ME3: variants seen among roughly 807,000 people sequenced by gnomAD.
The protein encoded by ME3 is NADP-dependent malic enzyme, mitochondrial.
A neutral mutation model predicts 68.9 loss-of-function variants in ME3; 48 were observed. The observed-to-expected ratio is 0.70, with a 90% CI of 0.55 to 0.89. The LOEUF (loss-of-function observed/expected upper bound fraction) is 0.89, where lower values mean the gene tolerates loss of function less well. Among genes scored for constraint, ME3 ranks in the 40% least tolerant of loss-of-function variants. ME3 has a pLI of 0.00. For missense variants in ME3, 675 were observed against 797.4 expected, an observed-to-expected ratio of 0.85 and a Z score of 1.85; for synonymous variants, 320 against 318.8, an observed-to-expected ratio of 1.00 and a Z score of -0.04.
intron 2 of ME3, among the ~76,000 whole-genome samples, chr11:86,571,163 G>T (rs1008496273): frequency 3.9e-5 from 6 of 152,154 alleles, no homozygotes; most frequent in Non-Finnish European, 7.3e-5. Context: ...TAAGTTTTTT[G>T]AGGTCAGGGA....
chr11:86,628,533 A>T (rs1305971506), intron 2 of ME3, among the ~76,000 whole-genome samples: 5 of 152,170 alleles, frequency 3.3e-5, no homozygotes, highest in African/African-American at 1.2e-4. Context: ...GTATTTTTTT[A>T]AATTTCTCAA....
intron 2 of ME3, among the ~76,000 whole-genome samples, chr11:86,645,540 G>A (rs1372155765): frequency 6.6e-6 from 1 of 152,218 alleles, no homozygotes; most frequent in Non-Finnish European, 1.5e-5. Flanking sequence ...GAAAAAGTCA[G>A]CAGCCCCAGT....
rs1471259543 is a variant in ME3 at position 86,671,752 on chromosome 11, G to C, written c.183+10C>G. ...CGCAACGCGGGCCGTCCTGCCCTCTGGCCCATTACCTTGTTGAGATGAGGG... is the reference window on the plus strand; with the variant it reads ...CGCAACGCGGGCCGTCCTGCCCTCTCGCCCATTACCTTGTTGAGATGAGGG... On this transcript the variant is annotated intron_variant, in intron 2 of 14. Transcript: ENST00000543262. 6.2e-7 allele frequency: 1 copy of C among 1,601,904 alleles called. No individual in the cohort carries two copies. The highest frequency in any genetic ancestry group is 8.5e-7 in the Non-Finnish European group (1 of 1,175,328).
intron 6 of ME3, 143 bp from the exon 7 acceptor site, chr11:86,487,583 C>T: frequency 1.5e-6 from 1 of 652,786 alleles, no homozygotes; most frequent in South Asian, 1.9e-5. Context: ...CCCCCCCGCC[C>T]AGGTGTCATT....
chr11:86,559,850 A>G, intron 2 of ME3, 27 bp from the exon 3 acceptor site: 1 of 1,611,476 alleles, frequency 6.2e-7, no homozygotes, highest in Non-Finnish European at 8.5e-7. Flanking sequence ...AAGAACACCC[A>G]CACATAAGTG....
At chr11:86,592,043 C>A (rs1959093645) in intron 2 of ME3, among the ~76,000 whole-genome samples, 1 of 152,174 alleles carries the variant, frequency 6.6e-6, no homozygotes, top group African/African-American at 2.4e-5. Flanking sequence ...TGAAGAAAAT[C>A]TCACGTGAAG....
intron 2 of ME3, among the ~76,000 whole-genome samples, chr11:86,657,506 A>C (rs1429396898): frequency 6.6e-6 from 1 of 152,134 alleles, no homozygotes; most frequent in African/African-American, 2.4e-5. Context: ...GCATTACCAG[A>C]AATAGCTAAT....
chr11:86,638,110 G>A (rs1944459061), intron 2 of ME3, among the ~76,000 whole-genome samples: 1 of 151,310 alleles, frequency 6.6e-6, no homozygotes, highest in African/African-American at 2.4e-5. Flanking sequence ...CTCCCCACAT[G>A]CTGTCTTAGA....
At chr11:86,538,490 A>C (rs1955833506) in intron 4 of ME3, among the ~76,000 whole-genome samples, 1 of 152,110 alleles carries the variant, frequency 6.6e-6, no homozygotes, top group Non-Finnish European at 1.5e-5. Context: ...CTGGAGCCCA[A>C]GCTCAACTTC....
chr11:86,663,964 G>T (rs963939079), intron 2 of ME3, among the ~76,000 whole-genome samples: 1 of 152,206 alleles, frequency 6.6e-6, no homozygotes, highest in African/African-American at 2.4e-5. Flanking sequence ...AGATATTGCT[G>T]TTTACAACTG....
chr11:86,511,186 A>T (rs1953498729), intron 4 of ME3, among the ~76,000 whole-genome samples: 1 of 152,120 alleles, frequency 6.6e-6, no homozygotes, highest in Non-Finnish European at 1.5e-5. Flanking sequence ...CCTCTCTCCT[A>T]TTTTCTATAT....
chr11:86,630,144 G>A (rs7123010), intron 2 of ME3, among the ~76,000 whole-genome samples: 55,472 of 151,806 alleles, frequency 0.37, 10,956 homozygotes, highest in East Asian at 0.56. Context: ...TACATACAGT[G>A]TATCCCCCCA....
chr11:86,527,788 C>G (rs193127725), intron 4 of ME3, among the ~76,000 whole-genome samples: 1 of 152,130 alleles, frequency 6.6e-6, no homozygotes, highest in African/African-American at 2.4e-5. Context: ...TAAAATACTT[C>G]ATAGACAAGC....
chr11:86,606,471 C>T (rs913397834), intron 2 of ME3, among the ~76,000 whole-genome samples: 1 of 152,192 alleles, frequency 6.6e-6, no homozygotes, highest in Non-Finnish European at 1.5e-5. Context: ...CCTAAAGAAT[C>T]AATTAGTGGT....
At position 86,659,562 on chromosome 11, in the gene ME3, C is replaced by T. The variant is rs538956190; in HGVS notation, c.183+12200G>A. Among the ~76,000 whole-genome samples the T allele has an allele frequency of 5.4e-4, 82 of 152,238 alleles. 2 individuals carry two copies. In the Middle Eastern group the frequency reaches 0.014, roughly 25 times the overall value. On this transcript the variant is annotated intron_variant, in intron 2 of 14. Coordinates refer to ENST00000543262, the Ensembl canonical transcript of ME3. ...CTGGGGGGATGATCATCTTGTGTTCCAACAGAGGAGAAAAGTTTGGTTCAC... is the reference window on the plus strand; with the variant it reads ...CTGGGGGGATGATCATCTTGTGTTCTAACAGAGGAGAAAAGTTTGGTTCAC...
At chr11:86,560,111 T>C (rs751164185) in intron 2 of ME3, among the ~76,000 whole-genome samples, 3 of 152,216 alleles carry the variant, frequency 2.0e-5, no homozygotes, top group Non-Finnish European at 2.9e-5. Flanking sequence ...AGAACAGTGA[T>C]ATGGTTTGTC....
At chr11:86,461,984 C>T (rs1197760043) in intron 8 of ME3, among the ~76,000 whole-genome samples, 1 of 152,082 alleles carries the variant, frequency 6.6e-6, no homozygotes, top group Non-Finnish European at 1.5e-5. Context: ...TTGGTTTTGC[C>T]TGGGAGCAAA....
In ME3 at chr11:86,559,672, C is replaced by G; in HGVS notation, c.317+18G>C. 3 of 1,604,838 alleles carry G rather than the reference C, an allele frequency of 1.9e-6. No individual in the cohort carries two copies. The highest frequency in any genetic ancestry group is 2.2e-5 in the East Asian group (1 of 44,642). ...CAGCCCAAGGACCAGACAGAGAGAACAGACACTAGGTACTGACTTGTCCAG... is the reference window on the plus strand; with the variant it reads ...CAGCCCAAGGACCAGACAGAGAGAAGAGACACTAGGTACTGACTTGTCCAG... On this transcript the variant is annotated intron_variant, in intron 3 of 14. Transcript: ENST00000543262.
intron 2 of ME3, among the ~76,000 whole-genome samples, chr11:86,572,590 T>C (rs1423333157): frequency 1.3e-5 from 2 of 152,216 alleles, no homozygotes; most frequent in Admixed American, 1.3e-4. Flanking sequence ...GCTTCATTCA[T>C]GTCTCTGCAA....
Sources: allele counts gnomAD v4.1 joint callset (sites outside exome capture counted in the v4.1 genomes callset), GRCh38; gene constraint gnomAD v4.1.1; transcripts MANE v1.5; gene names NCBI Gene and HGNC (gene_info 2026-07-23, HGNC 2026-07-21).